The following CACNA1E variants were observed in gnomAD, a reference collection of about 807,000 sequenced individuals.
CACNA1E encodes calcium voltage-gated channel subunit alpha1 E.
Under a neutral mutation model 259.2 loss-of-function variants are expected in CACNA1E, and 40 were observed. The ratio of observed to expected loss-of-function variants is 0.15; its 90% CI spans 0.12 to 0.20. The LOEUF (loss-of-function observed/expected upper bound fraction) is 0.20. CACNA1E is among the 10% of genes least tolerant of loss of function. CACNA1E has a pLI of 1.00. For synonymous variants in CACNA1E, 1,104 were observed against 1,138.5 expected, an observed-to-expected ratio of 0.97 and a Z score of 0.61; for missense variants, 1,874 against 3,040.1, an observed-to-expected ratio of 0.62 and a Z score of 9.02.
intron 7 of CACNA1E, among the ~76,000 whole-genome samples, chr1:181,667,786 T>C (rs1363015135): frequency 1.3e-5 from 2 of 151,158 alleles, no homozygotes; most frequent in Non-Finnish European, 2.9e-5. Flanking sequence ...AGAGATCCAA[T>C]ACACAGTTGA....
intron 30 of CACNA1E, 27 bp downstream of exon 30, chr1:181,757,153 A>G (rs898574413): frequency 3.7e-5 from 57 of 1,532,588 alleles, no homozygotes; most frequent in Non-Finnish European, 5.1e-5. Flanking sequence ...TAAAGTGGGG[A>G]GCAGCAGAGG....
intron 29 of CACNA1E, 97 bp from the exon 30 acceptor site, chr1:181,756,828 C>T: frequency 1.2e-6 from 1 of 846,766 alleles, no homozygotes; most frequent in Non-Finnish European, 2.0e-6. Context: ...TCTGCAAAGT[C>T]AAAGAAGTCA....
chr1:181,543,219 CA>C (rs1450549617), intron 3 of CACNA1E, among the ~76,000 whole-genome samples: 3 of 152,228 alleles, frequency 2.0e-5, no homozygotes, highest in Non-Finnish European at 4.4e-5. Context: ...TGAAAATTTG[CA>C]TTTCTAATAA....
rs1389070131 is a variant in CACNA1E, at chr1:181,800,525, G to C, written c.*1691G>C. On this transcript the variant is annotated 3_prime_UTR_variant, in exon 48 of 48. Transcript: ENST00000367573. ...TACCTTTCCCTTAAGTTCCTCCTTA[G>C]TGCCATCACAGCAGGTGAATGGGTG... 1 of 152,642 alleles carries C rather than the reference G, an allele frequency of 6.6e-6. No individual in the cohort carries two copies. Among genetic ancestry groups the C allele is most frequent in the Non-Finnish European group, 1.5e-5 (1 of 68,182 alleles). 9.5% of individuals were successfully genotyped at this position (152,642 alleles called of 1,614,324 possible). A position where few individuals can be genotyped will look rare whatever the true frequency, so the allele number is the denominator to read the frequency against.
chr1:181,628,151 T>A (rs1656374220), intron 6 of CACNA1E, among the ~76,000 whole-genome samples: 1 of 152,224 alleles, frequency 6.6e-6, no homozygotes, highest in Non-Finnish European at 1.5e-5. Context: ...AGAACCTCGA[T>A]TGCCCTACTG....
intron 46 of CACNA1E, among the ~76,000 whole-genome samples, chr1:181,796,459 G>A (rs1661811898): frequency 6.6e-6 from 1 of 152,110 alleles, no homozygotes; most frequent in Non-Finnish European, 1.5e-5. Context: ...TCTCATCATG[G>A]AGGCCCCACC....
chr1:181,551,316 C>T (rs919419766), intron 3 of CACNA1E, among the ~76,000 whole-genome samples: 15 of 152,146 alleles, frequency 9.9e-5, no homozygotes, highest in African/African-American at 3.1e-4. Flanking sequence ...TGAAGAGCCT[C>T]GCCTAGGCAG....
chr1:181,335,827 G>C (rs1050523401), intron 1 of CACNA1E, among the ~76,000 whole-genome samples: 26 of 152,192 alleles, frequency 1.7e-4, no homozygotes, highest in African/African-American at 5.8e-4. Context: ...AGGTATCTGT[G>C]AGGCTGACAC....
At chr1:181,333,639 CCTT>C (rs1226935075) in intron 1 of CACNA1E, among the ~76,000 whole-genome samples, 2 of 152,062 alleles carry the variant, frequency 1.3e-5, no homozygotes, top group Non-Finnish European at 2.9e-5. Context: ...ATCCATCATT[CCTT>C]CTTCATTTCT....
chr1:181,355,821 G>A (rs1233625423), intron 1 of CACNA1E, among the ~76,000 whole-genome samples: 1 of 152,216 alleles, frequency 6.6e-6, no homozygotes, highest in African/African-American at 2.4e-5. Context: ...ATTGATAGGA[G>A]GAGATACTGA....
rs549853508 is a variant in CACNA1E at position 181,388,879 on chromosome 1, G to A, written c.-14-24254G>A. 2.0e-5 allele frequency among the ~76,000 whole-genome samples: 3 copies of A among 149,642 alleles called. No individual in the cohort carries two copies. In the South Asian group the frequency reaches 6.3e-4, roughly 31 times the overall value. On this transcript the variant is annotated intron_variant, in intron 1 of 11. Coordinates refer to the CACNA1E transcript ENST00000524607. ...GCACTCCAGCCTGGGCAACAAGAGT[G>A]AAACTCCATCTCCAAAAAAAAAAAA...
chr1:181,470,404 A>G (rs948948384), intron 2 of CACNA1E, among the ~76,000 whole-genome samples: 1 of 151,916 alleles, frequency 6.6e-6, no homozygotes, highest in African/African-American at 2.4e-5. Context: ...TATGTTCTCT[A>G]TGTTCTCTAT....
chr1:181,497,281 A>G (rs1171395500), intron 1 of CACNA1E, among the ~76,000 whole-genome samples: 1 of 152,230 alleles, frequency 6.6e-6, no homozygotes, highest in South Asian at 2.1e-4. Flanking sequence ...GGCTCAGGAG[A>G]GCAAAGCAAA....
intron 3 of CACNA1E, among the ~76,000 whole-genome samples, chr1:181,550,011 A>G (rs191595195): frequency 6.6e-6 from 1 of 152,208 alleles, no homozygotes; most frequent in East Asian, 1.9e-4. Flanking sequence ...GAGCCTTGGA[A>G]TCTTGCCATG....
At chr1:181,601,145 A>G (rs1653704733) in intron 6 of CACNA1E, among the ~76,000 whole-genome samples, 1 of 152,154 alleles carries the variant, frequency 6.6e-6, no homozygotes, top group African/African-American at 2.4e-5. Context: ...CTGAAGGTGC[A>G]GGGCAGGTAG....
intron 7 of CACNA1E, among the ~76,000 whole-genome samples, chr1:181,679,141 G>A (rs1032907106): frequency 2.6e-5 from 4 of 152,228 alleles, no homozygotes; most frequent in East Asian, 1.9e-4. Context: ...AGGGAGTAGA[G>A]TTGTAAACGA....
intron 2 of CACNA1E, among the ~76,000 whole-genome samples, chr1:181,465,241 T>C (rs1235114034): frequency 6.6e-6 from 1 of 152,174 alleles, no homozygotes; most frequent in East Asian, 1.9e-4. Context: ...CTCAGGATGC[T>C]TTTAAGATTT....
At chr1:181,482,009 C>A (rs1416543216), upstream of CACNA1E, among the ~76,000 whole-genome samples, 5 of 152,176 alleles carry the variant, frequency 3.3e-5, no homozygotes, top group Admixed American at 3.3e-4. Context: ...GGCTTTCCTA[C>A]AGCGGAACCG....
intron 3 of CACNA1E, among the ~76,000 whole-genome samples, chr1:181,525,696 G>A (rs1667300668): frequency 6.6e-6 from 1 of 152,232 alleles, no homozygotes; most frequent in Non-Finnish European, 1.5e-5. Flanking sequence ...AGGTTGAGAA[G>A]TCAGAATTTT....
Sources: allele counts gnomAD v4.1 joint callset (sites outside exome capture counted in the v4.1 genomes callset), GRCh38; gene constraint gnomAD v4.1.1; transcripts MANE v1.5; gene names NCBI Gene and HGNC (gene_info 2026-07-23, HGNC 2026-07-21).